ZNF469: variants seen among roughly 807,000 people sequenced by gnomAD.
The protein encoded by ZNF469 is zinc finger protein 469.
ZNF469 carries 1 observed loss-of-function variant against 1.0 expected under a neutral mutation model. The ratio of observed to expected loss-of-function variants is 1.00; its 90% CI spans 0.35 to 4.73. The LOEUF is 4.73. ZNF469 is among the 30% of genes most tolerant of loss of function. ZNF469 has a pLI of 0.16. For missense variants in ZNF469, 6,100 were observed against 5,356.3 expected, an observed-to-expected ratio of 1.14 and a Z score of -4.33; for synonymous variants, 2,703 against 2,363.4, an observed-to-expected ratio of 1.14 and a Z score of -4.17.
the ZNF469 span, among the ~76,000 whole-genome samples, chr16:88,255,850 GTC>G: frequency 6.6e-6 from 1 of 152,214 alleles, no homozygotes; most frequent in African/African-American, 2.4e-5. Context: ...GGGTTGGAAT[GTC>G]TCTGGTCGGA....
At chr16:88,244,113 GTGGA>G in the ZNF469 span, among the ~76,000 whole-genome samples, 15 of 132,420 alleles carry the variant, frequency 1.1e-4, no homozygotes, top group Admixed American at 7.5e-4. Flanking sequence ...GGGTGGGTGG[GTGGA>G]TGGATGGATG....
chr16:88,356,970 G>A, the ZNF469 span, among the ~76,000 whole-genome samples: 1 of 152,274 alleles, frequency 6.6e-6, no homozygotes, highest in Non-Finnish European at 1.5e-5. Flanking sequence ...ACACGGAGGT[G>A]CAGCTGTGGT....
At chr16:88,335,954 T>A in the ZNF469 span, among the ~76,000 whole-genome samples, 2 of 145,160 alleles carry the variant, frequency 1.4e-5, no homozygotes, top group Non-Finnish European at 3.0e-5. Context: ...AACATGCCAA[T>A]GCCACGCATG....
the ZNF469 span, among the ~76,000 whole-genome samples, chr16:88,204,777 G>A: frequency 3.3e-5 from 5 of 152,138 alleles, no homozygotes; most frequent in Non-Finnish European, 1.5e-5. Context: ...TCCTGGAGTG[G>A]GGCGTTCACT....
In ZNF469 at chr16:88,383,091, C is replaced by T. The variant is rs1486249593; in HGVS notation, c.-355C>T. Among the ~76,000 whole-genome samples, 2 of 150,470 alleles carry T rather than the reference C, an allele frequency of 1.3e-5. No homozygotes were observed. The highest frequency in any genetic ancestry group is 3.0e-5 in the Non-Finnish European group (2 of 67,462). On this transcript the variant is annotated 5_prime_UTR_variant, in exon 1 of 3. Transcript: ENST00000565624. ...CCTCTCCTCCCACCCCGCCCCGAGG[C>T]GCAGCGCGCGGCAGAGCGGCTCGGT...
At chr16:88,116,549 C>T in the ZNF469 span, among the ~76,000 whole-genome samples, 2 of 152,234 alleles carry the variant, frequency 1.3e-5, no homozygotes, top group Non-Finnish European at 2.9e-5. Context: ...TGCCAAAAAC[C>T]GTGCAGCTGC....
the ZNF469 span, among the ~76,000 whole-genome samples, chr16:88,214,055 C>G: frequency 5.3e-5 from 8 of 152,286 alleles, no homozygotes; most frequent in East Asian, 1.2e-3. Context: ...GGTGGTTACT[C>G]TTGTCTTGGC....
the ZNF469 span, among the ~76,000 whole-genome samples, chr16:88,255,370 CTG>C: frequency 2.0e-5 from 3 of 152,200 alleles, no homozygotes; most frequent in South Asian, 6.2e-4. Flanking sequence ...CATGCTTTCC[CTG>C]TGTTATCTCA....
the ZNF469 span, among the ~76,000 whole-genome samples, chr16:88,233,824 G>C: frequency 8.5e-4 from 130 of 152,352 alleles, no homozygotes; most frequent in Middle Eastern, 6.8e-3. Flanking sequence ...GCGCTTTGGT[G>C]AGCGCAGTGC....
chr16:88,240,481 C>G, the ZNF469 span, among the ~76,000 whole-genome samples: 6 of 152,112 alleles, frequency 3.9e-5, no homozygotes, highest in African/African-American at 1.4e-4. Context: ...GCATGCTGAC[C>G]GCCTGGCCTC....
the ZNF469 span, among the ~76,000 whole-genome samples, chr16:88,367,564 G>A: frequency 2.4e-4 from 36 of 152,316 alleles, no homozygotes; most frequent in East Asian, 4.4e-3. Context: ...ACGTCCCAGC[G>A]CCTGTGATGA....
At chr16:88,403,211 C>T (rs1326636217) in intron 1 of ZNF469, among the ~76,000 whole-genome samples, 1 of 152,248 alleles carries the variant, frequency 6.6e-6, no homozygotes, top group African/African-American at 2.4e-5. Flanking sequence ...GGCTGTGTTC[C>T]GCAGGGTGGC....
the ZNF469 span, among the ~76,000 whole-genome samples, chr16:88,102,060 C>G: frequency 7.2e-5 from 10 of 139,354 alleles, no homozygotes; most frequent in East Asian, 1.3e-3. Flanking sequence ...TTCACCCCCC[C>G]ACCCCCGCCC....
chr16:88,354,366 A>G, the ZNF469 span, among the ~76,000 whole-genome samples: 1 of 152,106 alleles, frequency 6.6e-6, no homozygotes, highest in Admixed American at 6.5e-5. Flanking sequence ...GGCTCCCTGG[A>G]TATTCTCTGG....
At position 88,428,401 on chromosome 16, in the gene ZNF469, G is replaced by T; in HGVS notation, c.931G>T (p.Gly311Ter). ...GGTGTTTGCCTTCCATCAGCCCCAG[G>T]GAGCGTGGCCGGAGGAGGCCGTGGG... The part of the protein sequence containing the change: ...PLVFAFHQPQ[G>*]AWPEEAVGTG... Residue 311 changes from glycine to a stop codon, truncating the protein, a stop_gained, in exon 3 of 3, where the codon GGA (glycine) becomes TGA (stop). Coordinates refer to ENST00000565624, the MANE Select transcript of ZNF469 (RefSeq NM_001367624.2). LOFTEE classifies it low-confidence loss of function (END_TRUNC). 6.5e-7 allele frequency: 1 copy of T among 1,548,446 alleles called. No homozygotes were observed. The highest frequency in any genetic ancestry group is 8.7e-7 in the Non-Finnish European group (1 of 1,146,852).
the ZNF469 span, among the ~76,000 whole-genome samples, chr16:88,257,690 A>G: frequency 6.6e-6 from 1 of 152,232 alleles, no homozygotes; most frequent in East Asian, 1.9e-4. Context: ...TTCTTTGTGA[A>G]GGTCCATGTC....
chr16:88,313,507 C>T, the ZNF469 span, among the ~76,000 whole-genome samples: 26 of 151,610 alleles, frequency 1.7e-4, no homozygotes, highest in African/African-American at 5.6e-4. Flanking sequence ...GTAATTAAGA[C>T]GATGCTGGTG....
At chr16:88,130,823 G>A in the ZNF469 span, among the ~76,000 whole-genome samples, 4,988 of 151,802 alleles carry the variant, frequency 0.033, no homozygotes, top group African/African-American at 0.11. Context: ...GCTGGTCTCA[G>A]CGCAGCACCG....
At chr16:88,237,592 C>T in the ZNF469 span, among the ~76,000 whole-genome samples, 2 of 57,328 alleles carry the variant, frequency 3.5e-5, no homozygotes, top group African/African-American at 1.0e-4. Context: ...CACTCACCCT[C>T]CCTGCCCTCT....
Sources: allele counts gnomAD v4.1 joint callset (sites outside exome capture counted in the v4.1 genomes callset), GRCh38; gene constraint gnomAD v4.1.1; transcripts MANE v1.5; gene names NCBI Gene and HGNC (gene_info 2026-07-23, HGNC 2026-07-21).